The following SRP68 variants were observed in gnomAD, a reference collection of about 807,000 sequenced individuals.
SRP68 encodes signal recognition particle 68.
In SRP68, 15 loss-of-function variants were observed where a neutral mutation model predicts 82.2. The ratio of observed to expected loss-of-function variants is 0.18; its 90% confidence interval spans 0.12 to 0.28. The LOEUF (loss-of-function observed/expected upper bound fraction) is 0.28, where lower values mean the gene tolerates loss of function less well. Ranked by LOEUF, SRP68 falls within the 10% of genes least tolerant of loss-of-function variation. The probability of loss-of-function intolerance (pLI) is 1.00; values close to 1 mark genes in which losing one functional copy is unlikely to be tolerated. For synonymous variants in SRP68, 261 were observed against 292.6 expected, an observed-to-expected ratio of 0.89 and a Z score of 1.10; for missense variants, 595 against 780.5, an observed-to-expected ratio of 0.76 and a Z score of 2.83.
In SRP68 at chr17:76,046,129, T is replaced by C. The variant is rs532891814; in HGVS notation, c.1208A>G (p.Gln403Arg). ...TGGCTGCTGCTGCAGCAGAGCCCTC[T>C]GCAGACCTTTGGCCATGTTCTCATT... ...KRNENMAKGL[Q>R]RALLQQQPED... The change falls in exon 11 of 16, where the codon CAG (glutamine) becomes CGG (arginine). Residue 403 changes from glutamine (Q) to arginine (R), a missense_variant. This residue lies in a region of SRP68 where 495 missense variants were observed against 688.6 expected (regional missense o/e 0.72). Transcript: ENST00000307877. The C allele has an allele frequency of 6.2e-7, 1 of 1,613,990 alleles. No homozygotes were observed. The highest frequency in any genetic ancestry group is 1.1e-5 in the South Asian group (1 of 91,078).
At chr17:76,070,544 A>C in intron 1 of SRP68, 100 bp from the exon 2 acceptor site, 1 of 1,044,650 alleles carries the variant, frequency 9.6e-7, no homozygotes, top group Non-Finnish European at 1.5e-6. Flanking sequence ...AACACATTAA[A>C]CATTTGTGAA....
At chr17:76,040,282 T>C (rs950684651) in intron 15 of SRP68, 137 bp downstream of exon 15, 1 of 832,100 alleles carries the variant, frequency 1.2e-6, no homozygotes, top group African/African-American at 1.7e-5. Flanking sequence ...CAAGAAGCTT[T>C]GAGGTTGGGT....
chr17:76,053,669 G>A (rs765999087), intron 8 of SRP68: 7 of 984,812 alleles, frequency 7.1e-6, no homozygotes, highest in South Asian at 9.4e-5. Context: ...TTTGAAGGGC[G>A]GGACTTAAGT....
Position 76,039,498 on chromosome 17 carries a change from C to A in SRP68, c.*208G>T. 1.5e-6 allele frequency: 1 copy of A among 649,398 alleles called. No homozygotes were observed. The highest frequency in any genetic ancestry group is 2.8e-6 in the Non-Finnish European group (1 of 360,710). 40.2% of individuals were successfully genotyped at this position (649,398 alleles called of 1,614,324 possible). On this transcript the variant is annotated 3_prime_UTR_variant, in exon 16 of 16. Coordinates refer to ENST00000307877, the MANE Select transcript of SRP68 (RefSeq NM_014230.4). The stretch of plus-strand genomic sequence containing the variant: ...GTACAGGAGACAGGATGACCCTGCA[C>A]ACATTTACCAGAAGACAACAGGGTG...
chr17:76,047,974 C>T lies in SRP68; in HGVS notation c.1078-4G>A. ...CAAGGATATAATCTCTCTGTTTCTG[C>T]AGAAAGTGAAAAAGGTAAAAAGTAA... On this transcript the variant is annotated splice_region_variant and splice_polypyrimidine_tract_variant and intron_variant, in intron 9 of 15. Coordinates refer to ENST00000307877, the MANE Select transcript of SRP68 (RefSeq NM_014230.4). 1.3e-6 allele frequency: 2 copies of T among 1,568,006 alleles called. No homozygotes were observed. The highest frequency in any genetic ancestry group is 8.7e-7 in the Non-Finnish European group (1 of 1,153,834).
rs1351442694 is a variant in SRP68 at position 76,046,117 on chromosome 17, A to G, written c.1220T>C (p.Leu407Pro). The change falls in exon 11 of 16, where the codon CTG becomes CCG. Residue 407 changes from leucine (L) to proline (P), a missense_variant. Coordinates refer to ENST00000307877, the MANE Select transcript of SRP68 (RefSeq NM_014230.4). ...GCTGTCATCCTCTGGCTGCTGCTGC[A>G]GCAGAGCCCTCTGCAGACCTTTGGC... ...NMAKGLQRAL[L>P]QQQPEDDSKR... is the part of the protein sequence containing the mutation. 6.2e-7 allele frequency: 1 copy of G among 1,613,932 alleles called. No homozygotes were observed. Among genetic ancestry groups the G allele is most frequent in the Admixed American group, 1.7e-5 (1 of 60,010 alleles).
chr17:76,070,232 A>AAC, intron 2 of SRP68, 146 bp downstream of exon 2: 1 of 698,758 alleles, frequency 1.4e-6, no homozygotes, highest in Non-Finnish European at 2.3e-6. Context: ...CAAAAAAAAA[A>AAC]AAAAAAACAA....
chr17:76,064,058 C>T lies in SRP68; in HGVS notation c.479G>A (p.Arg160His), dbSNP rs1160494460. The T allele has an allele frequency of 1.2e-5, 20 of 1,614,094 alleles. No individual in the cohort carries two copies. In the East Asian group the frequency reaches 3.3e-4, roughly 27 times the overall value. Residue 160 changes from arginine (R) to histidine (H), a missense_variant, in exon 4 of 16, where the codon CGC (arginine) becomes CAC (histidine). By Grantham distance (29) the Arg-to-His change is conservative (BLOSUM62 0). This residue lies in a region of SRP68 where 495 missense variants were observed against 688.6 expected (regional missense o/e 0.72). Transcript: ENST00000307877. Reference sequence around the variant, plus strand: ...TTCCTCTGCATGCTTCACGGCTTTGCGTAGGCGAGATAACAAGTGAAACCG... The same window carrying T: ...TTCCTCTGCATGCTTCACGGCTTTGTGTAGGCGAGATAACAAGTGAAACCG... ...RKRFHLLSRL[R>H]KAVKHAEELE...
chr17:76,060,472 C>G, intron 6 of SRP68, 82 bp from the exon 7 acceptor site: 1 of 918,802 alleles, frequency 1.1e-6, no homozygotes, highest in African/African-American at 1.6e-5. Flanking sequence ...ACTTAAAGAG[C>G]TCTTCCCCCT....
rs530051212 is a variant in SRP68 at position 76,050,288 on chromosome 17, G to A, written c.1077+140C>T. 99 of 602,904 alleles carry A rather than the reference G, an allele frequency of 1.6e-4. No individual in the cohort carries two copies. In the African/African-American group the frequency reaches 1.7e-3, roughly 10 times the overall value. 37.3% of individuals were successfully genotyped at this position (602,904 alleles called of 1,614,324 possible). On this transcript the variant is annotated intron_variant, in intron 9 of 15. Transcript: ENST00000307877. ...CAGAGGCCCTTGTTTGCTCCCTTAC[G>A]ACCTCACCTCAAAAAAACAAAAACG...
chr17:76,040,807 C>A, intron 14 of SRP68, 96 bp downstream of exon 14: 1 of 1,186,786 alleles, frequency 8.4e-7, no homozygotes, highest in Admixed American at 1.9e-5. Context: ...ACCAAGACAA[C>A]CCTTTCAACC....
In SRP68 at chr17:76,045,232, C is replaced by A. The variant is rs999049108; in HGVS notation, c.1394+60G>T. The A allele has an allele frequency of 8.9e-6, 12 of 1,348,756 alleles. No individual in the cohort carries two copies. The African/African-American group carries it at 1.7e-4, about 19-fold the overall frequency. The allele number at this position is 1,348,756 out of a possible 1,614,324, so 83.5% of individuals were successfully genotyped here. A position where few individuals can be genotyped will look rare whatever the true frequency, so the allele number is the denominator to read the frequency against. ...CCCATCTGCTGTGGGCTGGGTCATG[C>A]TCCCAATGCTTATAGAACCTGGGAG... On this transcript the variant is annotated intron_variant, in intron 12 of 15. Coordinates refer to ENST00000307877, the MANE Select transcript of SRP68 (RefSeq NM_014230.4).
intron 9 of SRP68, among the ~76,000 whole-genome samples, chr17:76,050,199 C>T (rs1006722177): frequency 1.1e-4 from 16 of 152,118 alleles, no homozygotes; most frequent in Admixed American, 9.2e-4. Flanking sequence ...GCTTCACAGG[C>T]CATATAGGAA....
intron 4 of SRP68, among the ~76,000 whole-genome samples, chr17:76,062,617 A>G (rs1159157005): frequency 5.4e-5 from 5 of 93,034 alleles, no homozygotes; most frequent in East Asian, 2.2e-4. Flanking sequence ...ATTATATAAT[A>G]TATAATATAC....
intron 7 of SRP68, among the ~76,000 whole-genome samples, chr17:76,059,942 G>A (rs560440033): frequency 4.6e-5 from 7 of 151,412 alleles, no homozygotes; most frequent in East Asian, 1.9e-4. Context: ...TGGCTAAGGC[G>A]GTGAAACCCC....
Position 76,043,076 on chromosome 17 carries a change from C to T in SRP68, c.1524+753G>A, listed in dbSNP as rs574626634. On this transcript the variant is annotated intron_variant, in intron 13 of 15. Coordinates refer to ENST00000307877, the MANE Select transcript of SRP68 (RefSeq NM_014230.4). ...GCCATGAGTTCAAGGCCAGCCTGGG[C>T]AACATAGTGAGACCCCCATCTCTAC... Among the ~76,000 whole-genome samples, 35 of 151,906 alleles carry T rather than the reference C, an allele frequency of 2.3e-4. No homozygotes were observed. The South Asian group carries it at 7.3e-3, about 32-fold the overall frequency.
intron 2 of SRP68, among the ~76,000 whole-genome samples, chr17:76,068,961 C>G (rs999928865): frequency 6.7e-6 from 1 of 149,860 alleles, no homozygotes; most frequent in Non-Finnish European, 1.5e-5. Flanking sequence ...TGCAGATGTT[C>G]AATACATACA....
chr17:76,051,887 TTTA>T (rs2066675462), intron 8 of SRP68, among the ~76,000 whole-genome samples: 1 of 152,164 alleles, frequency 6.6e-6, no homozygotes, highest in South Asian at 2.1e-4. Flanking sequence ...ACTCGGAAGT[TTTA>T]TTAATTTATC....
At chr17:76,060,625 C>T (rs1022789509) in intron 6 of SRP68, 12 of 468,776 alleles carry the variant, frequency 2.6e-5, no homozygotes, top group Non-Finnish European at 4.5e-5. Context: ...TTGTCCAAAC[C>T]CATAGAATGT....
Sources: allele counts gnomAD v4.1 joint callset (sites outside exome capture counted in the v4.1 genomes callset), GRCh38; gene constraint gnomAD v4.1.1; regional missense constraint gnomAD v4.1.1; transcripts MANE v1.5; gene names NCBI Gene and HGNC (gene_info 2026-07-23, HGNC 2026-07-21).